The following MGAM2 variants were observed in gnomAD, a reference collection of about 807,000 sequenced individuals.
The protein encoded by MGAM2 is maltase-glucoamylase 2 (putative).
MGAM2 carries 98 observed loss-of-function variants against 96.1 expected under a neutral mutation model. The ratio of observed to expected loss-of-function variants is 1.02; its 90% CI spans 0.87 to 1.21. The LOEUF (loss-of-function observed/expected upper bound fraction) is 1.21, where lower values mean the gene tolerates loss of function less well. Among genes scored for constraint, MGAM2 ranks in the 50% most tolerant of loss-of-function variants. The pLI is 0.00. For synonymous variants in MGAM2, 749 were observed against 414.8 expected (o/e 1.81, Z -9.79); for missense variants, 2,055 against 1,182.4 (o/e 1.74, Z -10.82).
intron 3 of MGAM2, among the ~76,000 whole-genome samples, chr7:142,128,830 C>T (rs757429270): frequency 6.6e-6 from 1 of 152,208 alleles, no homozygotes; most frequent in Admixed American, 6.5e-5. Context: ...TCTGCTAGGG[C>T]AGTGCGGAAG....
In MGAM2 at chr7:142,189,360, C is replaced by A. The variant is rs1214180723; in HGVS notation, c.4208-7C>A. 1 of 680,352 alleles carries A rather than the reference C, an allele frequency of 1.5e-6. No homozygotes were observed. Among genetic ancestry groups the A allele is most frequent in the Admixed American group, 2.3e-5 (1 of 43,442 alleles). 42.1% of individuals were successfully genotyped at this position (680,352 alleles called of 1,614,324 possible). The stretch of plus-strand genomic sequence containing the variant: ...TGTTTAGGAAATAACTCAACATTTC[C>A]CCTCAGATTTGGAATCTAGGGACAA... On this transcript the variant is annotated splice_polypyrimidine_tract_variant and splice_region_variant and intron_variant, in intron 36 of 47. Transcript: ENST00000477922.
At chr7:142,207,077 T>G (rs1797423802) in intron 45 of MGAM2, among the ~76,000 whole-genome samples, 1 of 152,160 alleles carries the variant, frequency 6.6e-6, no homozygotes, top group Admixed American at 6.5e-5. Flanking sequence ...TGGGAGAGAA[T>G]ATGTTGGAAT....
chr7:142,209,876 G>T lies in MGAM2; in HGVS notation c.5187+1254G>T, dbSNP rs566361619. On this transcript the variant is annotated intron_variant, in intron 46 of 47. Coordinates refer to ENST00000477922, the MANE Select transcript of MGAM2 (RefSeq NM_001293626.2). ...CCAGCCTAATTTGAAATATTCAAAA[G>T]TTAGCTTAAAAAATTCAAAAATGAT... Among the ~76,000 whole-genome samples, 71 of 152,322 alleles carry T rather than the reference G, an allele frequency of 4.7e-4. No individual in the cohort carries two copies. In the South Asian group the frequency reaches 0.011, roughly 24 times the overall value.
At chr7:142,207,945 A>T (rs1797459534) in intron 45 of MGAM2, among the ~76,000 whole-genome samples, 1 of 152,172 alleles carries the variant, frequency 6.6e-6, no homozygotes, top group Non-Finnish European at 1.5e-5. Flanking sequence ...GGATGAGCTA[A>T]GAGTAGGGAG....
intron 37 of MGAM2, among the ~76,000 whole-genome samples, chr7:142,191,134 G>A (rs79421854): frequency 6.6e-6 from 1 of 150,682 alleles, no homozygotes; most frequent in Non-Finnish European, 1.5e-5. Flanking sequence ...TATCTCTACA[G>A]AAAAAAAAAA....
At chr7:142,179,450 T>C (rs1796473776) in intron 32 of MGAM2, among the ~76,000 whole-genome samples, 1 of 152,210 alleles carries the variant, frequency 6.6e-6, no homozygotes, top group Non-Finnish European at 1.5e-5. Context: ...TCAAGAAGAA[T>C]GCTTCCAGCT....
Position 142,134,152 on chromosome 7 carries a change from G to A in MGAM2, c.747G>A (p.Glu249=), listed in dbSNP as rs747636813. Residue 249 remains glutamate, a splice_region_variant and synonymous_variant, in exon 7 of 48, where the codon GAG becomes GAA. Transcript: ENST00000477922. ...TCACCCGGGACGCTACCCCCACCGA[G>A]GTGAGGTGGCTTTCCTCCTGAGTAT... ...PIFTRDATPT[E]GMINLYGAHT... 1.1e-5 allele frequency: 8 copies of A among 738,594 alleles called. No homozygotes were observed. The highest frequency in any genetic ancestry group is 2.0e-5 in the Non-Finnish European group (8 of 404,004). 45.8% of individuals were successfully genotyped at this position (738,594 alleles called of 1,614,324 possible). A position where few individuals can be genotyped will look rare whatever the true frequency, so the allele number is the denominator to read the frequency against.
intron 33 of MGAM2, among the ~76,000 whole-genome samples, chr7:142,183,752 A>G (rs1796609968): frequency 6.6e-6 from 1 of 152,154 alleles, no homozygotes; most frequent in Non-Finnish European, 1.5e-5. Context: ...TAAATGAATC[A>G]TTAAGTCCTA....
At chr7:142,181,832 A>G (rs1042630817) in intron 32 of MGAM2, among the ~76,000 whole-genome samples, 2 of 152,204 alleles carry the variant, frequency 1.3e-5, no homozygotes, top group African/African-American at 2.4e-5. Context: ...GCCATGATCC[A>G]GTATTTTCTG....
In MGAM2 at chr7:142,198,057, C is replaced by T. The variant is rs1200973546; in HGVS notation, c.4867-82C>T. 7 of 650,672 alleles carry T rather than the reference C, an allele frequency of 1.1e-5. No homozygotes were observed. In the South Asian group the frequency reaches 1.2e-4, roughly 11 times the overall value. The allele number at this position is 650,672 out of a possible 1,614,324, so 40.3% of individuals were successfully genotyped here. The stretch of plus-strand genomic sequence containing the variant: ...CACTAATACAATTTTCATTTTTTAT[C>T]TTAATTCTACAGTGTTTTGAAAATG... On this transcript the variant is annotated intron_variant, in intron 42 of 47. Coordinates refer to ENST00000477922, the MANE Select transcript of MGAM2 (RefSeq NM_001293626.2).
chr7:142,144,457 G>C (rs1429576871), intron 13 of MGAM2, among the ~76,000 whole-genome samples: 1 of 152,132 alleles, frequency 6.6e-6, no homozygotes, highest in Non-Finnish European at 1.5e-5. Context: ...TTCTCTTACT[G>C]TTCCTCACTC....
In MGAM2 at chr7:142,222,087, C is replaced by A; in HGVS notation, c.*28C>A. Reference sequence around the variant, plus strand: ...ACTACTCAAGGCAGGATAGTTACCTCAGATAACGCCTACAAACAACTATTA... The same window carrying A: ...ACTACTCAAGGCAGGATAGTTACCTAAGATAACGCCTACAAACAACTATTA... On this transcript the variant is annotated 3_prime_UTR_variant, in exon 48 of 48. Coordinates refer to ENST00000477922, the MANE Select transcript of MGAM2 (RefSeq NM_001293626.2). The A allele has an allele frequency of 2.5e-6, 1 of 398,008 alleles. No homozygotes were observed. Among genetic ancestry groups the A allele is most frequent in the East Asian group, 3.6e-5 (1 of 28,048 alleles). 24.7% of individuals were successfully genotyped at this position (398,008 alleles called of 1,614,324 possible).
chr7:142,208,448 A>T, intron 45 of MGAM2, 125 bp from the exon 46 acceptor site: 1 of 663,182 alleles, frequency 1.5e-6, no homozygotes. Flanking sequence ...AGTGCTCCTC[A>T]GAGAGGTGAC....
chr7:142,170,273 T>G (rs945192795), intron 27 of MGAM2, 44 bp downstream of exon 27: 2 of 655,846 alleles, frequency 3.0e-6, no homozygotes, highest in Admixed American at 2.3e-5. Flanking sequence ...GTTCTAGATT[T>G]AATTACAGCA....
At chr7:142,116,288 G>A (rs912275502) in intron 1 of MGAM2, among the ~76,000 whole-genome samples, 3 of 152,256 alleles carry the variant, frequency 2.0e-5, no homozygotes, top group East Asian at 3.9e-4. Context: ...TGGGAGCCAC[G>A]AAATTTATGT....
intron 15 of MGAM2, among the ~76,000 whole-genome samples, chr7:142,152,187 C>A (rs1054809076): frequency 1.1e-4 from 16 of 150,204 alleles, no homozygotes; most frequent in African/African-American, 3.7e-4. Flanking sequence ...AAAAAAAAAA[C>A]CCAGCAGTTA....
chr7:142,111,722 G>C lies in MGAM2; in HGVS notation c.-86G>C, dbSNP rs1817176965. 6.6e-6 allele frequency: 1 copy of C among 152,180 alleles called. No individual in the cohort carries two copies. Among genetic ancestry groups the C allele is most frequent in the Non-Finnish European group, 1.5e-5 (1 of 68,050 alleles). 9.4% of individuals were successfully genotyped at this position (152,180 alleles called of 1,614,324 possible). ...AATAAATTAATTGTGGCAGAAGCTG[G>C]CTACCTCAGCCCAGTTACCTTTGCT... On this transcript the variant is annotated 5_prime_UTR_variant, in exon 1 of 48. Coordinates refer to ENST00000477922, the MANE Select transcript of MGAM2 (RefSeq NM_001293626.2).
intron 32 of MGAM2, among the ~76,000 whole-genome samples, chr7:142,177,461 C>T (rs1327976787): frequency 2.0e-5 from 3 of 152,108 alleles, no homozygotes; most frequent in African/African-American, 7.2e-5. Flanking sequence ...TGATGGAATC[C>T]ATTACCCAGA....
intron 3 of MGAM2, among the ~76,000 whole-genome samples, chr7:142,121,130 A>T (rs1049299307): frequency 6.6e-6 from 1 of 151,874 alleles, no homozygotes; most frequent in Non-Finnish European, 1.5e-5. Flanking sequence ...TGTTATAAAA[A>T]CATAGAAAGT....
Sources: gnomAD v4.1 joint callset for allele counts (sites outside exome capture counted in the v4.1 genomes callset) on GRCh38, gnomAD v4.1.1 for gene constraint, MANE v1.5 for transcripts, NCBI Gene and HGNC (gene_info 2026-07-23, HGNC 2026-07-21) for gene names.